PCMTD1: variants seen among roughly 807,000 people sequenced by gnomAD.
PCMTD1 encodes protein-L-isoaspartate O-methyltransferase domain-containing protein 1.
A neutral mutation model predicts 37.6 loss-of-function variants in PCMTD1; 12 were observed. The ratio of observed to expected loss-of-function variants is 0.32; its 90% CI spans 0.20 to 0.52. The LOEUF (loss-of-function observed/expected upper bound fraction) is 0.52, where lower values mean the gene tolerates loss of function less well. Among genes scored for constraint, PCMTD1 ranks in the 20% least tolerant of loss-of-function variants. The pLI is 0.97. For synonymous variants in PCMTD1, 117 were observed against 135.8 expected (o/e 0.86, Z 0.96); for missense variants, 235 against 421.3 (o/e 0.56, Z 3.87).
At chr8:51,852,646 C>T (rs536012346) in intron 2 of PCMTD1, among the ~76,000 whole-genome samples, 2 of 152,042 alleles carry the variant, frequency 1.3e-5, no homozygotes, top group South Asian at 2.1e-4. Flanking sequence ...GGGGAGGCAA[C>T]GAGGTAAAAT....
At chr8:51,841,817 G>A (rs1322958111) in intron 3 of PCMTD1, among the ~76,000 whole-genome samples, 1 of 152,140 alleles carries the variant, frequency 6.6e-6, no homozygotes, top group African/African-American at 2.4e-5. Context: ...ATGTATAAAA[G>A]TACAATAGGA....
intron 5 of PCMTD1, among the ~76,000 whole-genome samples, chr8:51,821,740 GTTTTT>G (rs1162378729): frequency 6.1e-5 from 9 of 147,076 alleles, no homozygotes; most frequent in South Asian, 4.3e-4. Context: ...TTCTGGTTTT[GTTTTT>G]TTTTTTTTTT....
chr8:51,838,842 T>C (rs1433038357), intron 3 of PCMTD1, among the ~76,000 whole-genome samples: 1 of 152,074 alleles, frequency 6.6e-6, no homozygotes, highest in East Asian at 1.9e-4. Flanking sequence ...ATTTATAAAA[T>C]TACACACATA....
chr8:51,888,279 A>G (rs922980552), intron 1 of PCMTD1, among the ~76,000 whole-genome samples: 3 of 152,212 alleles, frequency 2.0e-5, no homozygotes, highest in African/African-American at 7.2e-5. Context: ...AGGATATAGT[A>G]GCAGATTCAA....
chr8:51,821,578 C>T (rs1031300460), intron 5 of PCMTD1, among the ~76,000 whole-genome samples: 3 of 152,182 alleles, frequency 2.0e-5, no homozygotes, highest in African/African-American at 7.2e-5. Flanking sequence ...TGCAGACACA[C>T]TGGATGATTT....
intron 1 of PCMTD1, among the ~76,000 whole-genome samples, chr8:51,881,977 G>A (rs1383757701): frequency 2.0e-5 from 3 of 152,094 alleles, no homozygotes; most frequent in Admixed American, 1.3e-4. Flanking sequence ...AGTTCTCCCT[G>A]TTCACTCAGA....
At chr8:51,860,050 G>A (rs1349840543) in intron 2 of PCMTD1, among the ~76,000 whole-genome samples, 1 of 152,116 alleles carries the variant, frequency 6.6e-6, no homozygotes, top group African/African-American at 2.4e-5. Context: ...ATGTCTTATA[G>A]CAGATTTTCC....
Position 51,886,766 on chromosome 8 carries a change from A to G in PCMTD1, c.-96+12164T>C, listed in dbSNP as rs891949014. 2.0e-5 allele frequency among the ~76,000 whole-genome samples: 3 copies of G among 152,226 alleles called. No individual in the cohort carries two copies. In the South Asian group the frequency reaches 6.2e-4, roughly 31 times the overall value. On this transcript the variant is annotated intron_variant, in intron 1 of 5. Coordinates refer to ENST00000522514, the MANE Select transcript of PCMTD1 (RefSeq NM_052937.4). The stretch of plus-strand genomic sequence containing the variant: ...TGTATTAGTTTTCTATCACTGTCAT[A>G]GCAAATTAGCATAAACCTAATGGCT...
At chr8:51,888,089 C>G (rs778895846) in intron 1 of PCMTD1, among the ~76,000 whole-genome samples, 2 of 152,056 alleles carry the variant, frequency 1.3e-5, no homozygotes, top group Non-Finnish European at 2.9e-5. Flanking sequence ...AGAAACTGTG[C>G]CTAAATATAA....
At chr8:51,833,739 TA>T in intron 3 of PCMTD1, 50 bp from the exon 4 acceptor site, 1 of 1,507,150 alleles carries the variant, frequency 6.6e-7, no homozygotes, top group South Asian at 1.2e-5. Flanking sequence ...ACATTAGATC[TA>T]AAAAATTTAC....
At chr8:51,829,509 T>A (rs891682304) in intron 5 of PCMTD1, among the ~76,000 whole-genome samples, 1 of 152,220 alleles carries the variant, frequency 6.6e-6, no homozygotes, top group Non-Finnish European at 1.5e-5. Flanking sequence ...ACCATGTATT[T>A]ACAGGTAGAC....
intron 5 of PCMTD1, among the ~76,000 whole-genome samples, chr8:51,824,041 G>A (rs1287485592): frequency 4.6e-5 from 7 of 152,028 alleles, no homozygotes; most frequent in African/African-American, 9.7e-5. Context: ...TCGATGGAAC[G>A]TATCTCAAAA....
At chr8:51,839,708 G>C (rs532965299) in intron 3 of PCMTD1, 17 of 696,712 alleles carry the variant, frequency 2.4e-5, no homozygotes, top group African/African-American at 2.1e-4. Flanking sequence ...TGCACACCTA[G>C]TTTATCACGT....
chr8:51,862,397 CTTT>C (rs2038486647), intron 1 of PCMTD1, among the ~76,000 whole-genome samples: 1 of 152,026 alleles, frequency 6.6e-6, no homozygotes, highest in African/African-American at 2.4e-5. Context: ...CACTGAACTT[CTTT>C]AACAGATTAA....
Position 51,854,750 on chromosome 8 carries a change from G to C in PCMTD1, c.307+6095C>G, listed in dbSNP as rs549232282. 2.0e-5 allele frequency among the ~76,000 whole-genome samples: 3 copies of C among 152,248 alleles called. No homozygotes were observed. In the South Asian group the frequency reaches 6.2e-4, roughly 32 times the overall value. ...AAATTAGCTGGGCATGGCGGCACAT[G>C]CCTGCAATCCCAGCTACTTGGGAGG... On this transcript the variant is annotated intron_variant, in intron 2 of 5. Coordinates refer to ENST00000522514, the MANE Select transcript of PCMTD1 (RefSeq NM_052937.4).
At position 51,818,159 on chromosome 8, in the gene PCMTD1, G is replaced by A; in HGVS notation, c.*2192C>T. The stretch of plus-strand genomic sequence containing the variant: ...TGCATTAATAGATAAAAAGGCTTTA[G>A]CTTTAATTTTCATTTTTCATTTCTA... On this transcript the variant is annotated 3_prime_UTR_variant, in exon 6 of 6. Coordinates refer to ENST00000522514, the MANE Select transcript of PCMTD1 (RefSeq NM_052937.4). The A allele has an allele frequency of 3.2e-6, 1 of 308,132 alleles. No individual in the cohort carries two copies. Among genetic ancestry groups the A allele is most frequent in the Non-Finnish European group, 6.3e-6 (1 of 158,662 alleles). 19.1% of individuals were successfully genotyped at this position (308,132 alleles called of 1,614,324 possible). A position where few individuals can be genotyped will look rare whatever the true frequency, so the allele number is the denominator to read the frequency against.
At chr8:51,846,535 TAC>T (rs1480170299) in intron 2 of PCMTD1, among the ~76,000 whole-genome samples, 1 of 152,184 alleles carries the variant, frequency 6.6e-6, no homozygotes, top group Non-Finnish European at 1.5e-5. Flanking sequence ...ACACACAAAT[TAC>T]AGTTAGTCCC....
At chr8:51,831,145 A>G (rs1297437315) in intron 5 of PCMTD1, among the ~76,000 whole-genome samples, 1 of 152,142 alleles carries the variant, frequency 6.6e-6, no homozygotes, top group East Asian at 1.9e-4. Flanking sequence ...TAAAAATACA[A>G]AAATTAGCCA....
At chr8:51,855,284 T>C (rs892767808) in intron 2 of PCMTD1, among the ~76,000 whole-genome samples, 3 of 149,706 alleles carry the variant, frequency 2.0e-5, no homozygotes, top group African/African-American at 7.4e-5. Context: ...TCCCAGCACT[T>C]TGGGAGGCCA....
Sources: gnomAD v4.1 joint callset for allele counts (sites outside exome capture counted in the v4.1 genomes callset) on GRCh38, gnomAD v4.1.1 for gene constraint, MANE v1.5 for transcripts, NCBI Gene and HGNC (gene_info 2026-07-23, HGNC 2026-07-21) for gene names.